GRID2: variants seen among roughly 807,000 people sequenced by gnomAD.
GRID2 encodes the protein glutamate receptor ionotropic, delta-2.
A neutral mutation model predicts 114.8 loss-of-function variants in GRID2; 33 were observed. The observed-to-expected ratio is 0.29, with a 90% CI of 0.22 to 0.38. The LOEUF (loss-of-function observed/expected upper bound fraction) is 0.38. GRID2 is among the 10% of genes least tolerant of loss of function. GRID2 has a pLI of 1.00. For missense variants in GRID2, 1,184 were observed against 1,257.7 expected (o/e 0.94, Z 0.89); for synonymous variants, 505 against 449.9 (o/e 1.12, Z -1.55).
intron 14 of GRID2, among the ~76,000 whole-genome samples, chr4:93,669,556 C>T (rs1337100864): frequency 6.6e-6 from 1 of 152,036 alleles, no homozygotes; most frequent in Non-Finnish European, 1.5e-5. Flanking sequence ...ACTAATGAAA[C>T]TCACTGTAAT....
intron 4 of GRID2, among the ~76,000 whole-genome samples, chr4:93,184,563 C>A (rs1740217241): frequency 6.6e-6 from 1 of 150,438 alleles, no homozygotes; most frequent in African/African-American, 2.4e-5. Context: ...TTTCTCAAGT[C>A]CCTACAGCTG....
At chr4:93,473,181 A>G (rs892613133) in intron 11 of GRID2, among the ~76,000 whole-genome samples, 5 of 152,054 alleles carry the variant, frequency 3.3e-5, no homozygotes, top group African/African-American at 1.2e-4. Context: ...TTCTTTGCCA[A>G]CTTCCCTTTT....
intron 2 of GRID2, among the ~76,000 whole-genome samples, chr4:92,612,882 A>C (rs1729824324): frequency 1.3e-5 from 2 of 151,380 alleles, no homozygotes; most frequent in South Asian, 4.1e-4. Flanking sequence ...ATACATTTAC[A>C]GTCCTTCCTT....
chr4:92,600,513 T>G (rs1023255790), intron 2 of GRID2, among the ~76,000 whole-genome samples: 11 of 152,198 alleles, frequency 7.2e-5, no homozygotes, highest in African/African-American at 1.2e-4. Flanking sequence ...ATCTCTATAT[T>G]AACTCCAAGA....
intron 2 of GRID2, among the ~76,000 whole-genome samples, chr4:93,060,712 G>T (rs990688826): frequency 6.6e-6 from 1 of 152,042 alleles, no homozygotes; most frequent in Non-Finnish European, 1.5e-5. Flanking sequence ...GTTTTAGTTT[G>T]TTTTTCAAAA....
intron 9 of GRID2, among the ~76,000 whole-genome samples, chr4:93,418,714 C>T (rs1324705455): frequency 6.6e-6 from 1 of 151,942 alleles, no homozygotes; most frequent in East Asian, 1.9e-4. Flanking sequence ...TTCTTTTCAC[C>T]ACATTTCTTT....
chr4:93,140,471 T>C (rs547923498), intron 4 of GRID2, among the ~76,000 whole-genome samples: 12 of 152,242 alleles, frequency 7.9e-5, no homozygotes, highest in Admixed American at 7.2e-4. Context: ...ATCCGTGTCA[T>C]TTTTTTATGG....
chr4:92,415,619 C>T (rs1448266184), intron 1 of GRID2, among the ~76,000 whole-genome samples: 2 of 151,126 alleles, frequency 1.3e-5, no homozygotes, highest in African/African-American at 4.9e-5. Context: ...TCTCCAGCTC[C>T]ATCCAGGGTG....
intron 2 of GRID2, among the ~76,000 whole-genome samples, chr4:92,831,493 G>GT (rs34219244): frequency 0.031 from 4,116 of 133,922 alleles, 70 homozygotes; most frequent in Non-Finnish European, 0.037. Context: ...TGCCAATTTC[G>GT]TTTTTTTTTT....
chr4:92,972,193 C>G (rs1753563895), intron 2 of GRID2, among the ~76,000 whole-genome samples: 1 of 150,682 alleles, frequency 6.6e-6, no homozygotes, highest in Non-Finnish European at 1.5e-5. Flanking sequence ...TTCGCTTCAC[C>G]TTTGCTAGCA....
chr4:92,749,864 T>G (rs1737356634), intron 2 of GRID2, among the ~76,000 whole-genome samples: 1 of 151,896 alleles, frequency 6.6e-6, no homozygotes, highest in African/African-American at 2.4e-5. Context: ...ATTGATTGAT[T>G]GATTGATTGA....
rs185469813 is a variant in GRID2, at chr4:92,414,560, A to C, written c.88+109816A>C. 2.6e-4 allele frequency among the ~76,000 whole-genome samples: 40 copies of C among 152,302 alleles called. No individual in the cohort carries two copies. The East Asian group carries it at 7.7e-3, about 29-fold the overall frequency. On this transcript the variant is annotated intron_variant, in intron 1 of 15. Transcript: ENST00000282020. ...TTAGGAGAGAAAGCAAAAAGGAGTC[A>C]TTTATTCTGGCTGATGGTGCCATTG...
chr4:92,519,923 A>C (rs1579507791), intron 1 of GRID2, among the ~76,000 whole-genome samples: 1 of 151,936 alleles, frequency 6.6e-6, no homozygotes, highest in East Asian at 2.0e-4. Context: ...TGGGGGGCGG[A>C]ATTTGCTTTT....
chr4:93,115,888 T>A (rs547182217), intron 4 of GRID2, among the ~76,000 whole-genome samples: 39 of 152,264 alleles, frequency 2.6e-4, no homozygotes, highest in African/African-American at 8.9e-4. Flanking sequence ...CTACAGGAGC[T>A]ACAGTTTAAG....
chr4:93,146,282 G>A (rs1736217332), intron 4 of GRID2, among the ~76,000 whole-genome samples: 1 of 152,042 alleles, frequency 6.6e-6, no homozygotes, highest in African/African-American at 2.4e-5. Context: ...ATTCTATTTG[G>A]CAGTGTATTT....
chr4:93,552,038 C>A (rs1292925219), intron 13 of GRID2, among the ~76,000 whole-genome samples: 1 of 134,726 alleles, frequency 7.4e-6, no homozygotes, highest in Non-Finnish European at 1.6e-5. Context: ...CCCTCCCCCA[C>A]CCCACAACAG....
chr4:93,146,220 A>T (rs960879920), intron 4 of GRID2, among the ~76,000 whole-genome samples: 1 of 152,166 alleles, frequency 6.6e-6, no homozygotes, highest in Non-Finnish European at 1.5e-5. Context: ...TTAATTGCAG[A>T]CTAATTTTAT....
intron 14 of GRID2, among the ~76,000 whole-genome samples, chr4:93,627,198 T>C (rs1358981511): frequency 6.6e-6 from 1 of 152,204 alleles, no homozygotes. Context: ...ATCCATTTTA[T>C]ACTGAAAGTA....
intron 2 of GRID2, among the ~76,000 whole-genome samples, chr4:92,634,736 CT>C (rs1363203908): frequency 8.7e-4 from 106 of 121,332 alleles, no homozygotes; most frequent in Non-Finnish European, 1.5e-3. Context: ...AGAAACATTT[CT>C]TTTTTTTTTC....
Sources: allele counts gnomAD v4.1 joint callset (sites outside exome capture counted in the v4.1 genomes callset), GRCh38; gene constraint gnomAD v4.1.1; transcripts MANE v1.5; gene names NCBI Gene and HGNC (gene_info 2026-07-23, HGNC 2026-07-21).